Variants in POU4F1 observed in about 807,000 individuals in gnomAD.
POU4F1 encodes POU domain, class 4, transcription factor 1.
A neutral mutation model predicts 19.8 loss-of-function variants in POU4F1; 5 were observed. That is an observed-to-expected ratio of 0.25 (90% CI 0.13 to 0.53). The LOEUF (loss-of-function observed/expected upper bound fraction) is 0.53. Ranked by LOEUF, POU4F1 falls within the 20% of genes least tolerant of loss-of-function variation. The pLI is 0.96. For missense variants in POU4F1, 408 were observed against 511.6 expected, an observed-to-expected ratio of 0.80 and a Z score of 1.95; for synonymous variants, 266 against 247.7, an observed-to-expected ratio of 1.07 and a Z score of -0.69.
Position 78,599,254 on chromosome 13 carries a change from G to C in POU4F1, c.*2161C>G, listed in dbSNP as rs1874604938. 2 of 152,602 alleles carry C rather than the reference G, an allele frequency of 1.3e-5. No homozygotes were observed. The allele number at this position is 152,602 out of a possible 1,614,324, so 9.5% of individuals were successfully genotyped here. On this transcript the variant is annotated 3_prime_UTR_variant, in exon 2 of 2. Coordinates refer to ENST00000377208, the MANE Select transcript of POU4F1 (RefSeq NM_006237.4). ...TATTTTGGCGCATAGAATTGGTTCT[G>C]ATAGAAGTAAGGGAGGAGAAAGGTA...
chr13:78,601,532 C>T lies in POU4F1; in HGVS notation c.1143G>A (p.Ser381=). ...EAYFAVQPRP[S]SEKIAAIAEK... ...CGGCGATGGCGGCGATCTTCTCGGA[C>T]GAGGGCCGGGGCTGCACGGCGAAGT... The change falls in exon 2 of 2, where the codon TCG becomes TCA. Residue 381 remains serine, a synonymous_variant. Coordinates refer to ENST00000377208, the MANE Select transcript of POU4F1 (RefSeq NM_006237.4). The T allele has an allele frequency of 8.7e-6, 14 of 1,613,976 alleles. No individual in the cohort carries two copies. Among genetic ancestry groups the T allele is most frequent in the Admixed American group, 1.7e-5 (1 of 60,034 alleles).
At position 78,602,635 on chromosome 13, in the gene POU4F1, G is replaced by A. The variant is rs73537043; in HGVS notation, c.124-84C>T. On this transcript the variant is annotated intron_variant, in intron 1 of 1. Coordinates refer to ENST00000377208, the MANE Select transcript of POU4F1 (RefSeq NM_006237.4). ...AACAGAAGAAACACACACACAGGCC[G>A]GAAAGCACAGCATGCGAAGGGCAAA... The A allele has an allele frequency of 9.3e-3, 12,225 of 1,314,160 alleles. 898 individuals are homozygous for A. In the African/African-American group the frequency reaches 0.16, roughly 17 times the overall value. The allele number at this position is 1,314,160 out of a possible 1,614,324, so 81.4% of individuals were successfully genotyped here.
In POU4F1 at chr13:78,600,684, A is replaced by G. The variant is rs1442629474; in HGVS notation, c.*731T>C. 6.6e-6 allele frequency: 1 copy of G among 152,358 alleles called. No individual in the cohort carries two copies. The highest frequency in any genetic ancestry group is 1.5e-5 in the Non-Finnish European group (1 of 68,150). 9.4% of individuals were successfully genotyped at this position (152,358 alleles called of 1,614,324 possible). On this transcript the variant is annotated 3_prime_UTR_variant, in exon 2 of 2. Transcript: ENST00000377208. ...TAGGCCTCTCATTGGAACGGAGGAA[A>G]TAAAGAGGATATGGATGGGGTGGAG...
In POU4F1 at chr13:78,599,108, T is replaced by C. The variant is rs1874598760; in HGVS notation, c.*2307A>G. The C allele has an allele frequency of 6.6e-6, 1 of 152,510 alleles. No individual in the cohort carries two copies. The highest frequency in any genetic ancestry group is 2.4e-5 in the African/African-American group (1 of 41,436). 9.4% of individuals were successfully genotyped at this position (152,510 alleles called of 1,614,324 possible). A position where few individuals can be genotyped will look rare whatever the true frequency, so the allele number is the denominator to read the frequency against. On this transcript the variant is annotated 3_prime_UTR_variant, in exon 2 of 2. Coordinates refer to ENST00000377208, the MANE Select transcript of POU4F1 (RefSeq NM_006237.4). ...TGTGTTTTCTTTTTGTTTGGTTGTT[T>C]GTTGAAAGGTTCTACCAGGACCTGG...
At position 78,601,384 on chromosome 13, in the gene POU4F1, A is replaced by G; in HGVS notation, c.*31T>C. ...CCCAAAAATGCCTCCTCAGCTCCCC[A>G]TTCTGTCCCGCCCGACACCTCCCAG... On this transcript the variant is annotated 3_prime_UTR_variant, in exon 2 of 2. Transcript: ENST00000377208. 6.2e-7 allele frequency: 1 copy of G among 1,612,868 alleles called. No individual in the cohort carries two copies. Among genetic ancestry groups the G allele is most frequent in the South Asian group, 1.1e-5 (1 of 91,040 alleles).
Sources: gnomAD v4.1 joint callset for allele counts on GRCh38, gnomAD v4.1.1 for gene constraint, MANE v1.5 for transcripts, NCBI Gene and HGNC (gene_info 2026-07-23, HGNC 2026-07-21) for gene names.